Variants in STON2 observed in about 807,000 individuals in gnomAD.
STON2 encodes the protein stonin-2.
A neutral mutation model predicts 65.7 loss-of-function variants in STON2; 29 were observed. The ratio of observed to expected loss-of-function variants is 0.44; its 90% CI spans 0.33 to 0.60. The LOEUF (loss-of-function observed/expected upper bound fraction) is 0.60, where lower values mean the gene tolerates loss of function less well. Among genes scored for constraint, STON2 ranks in the 20% least tolerant of loss-of-function variants. The pLI, the probability that STON2 is intolerant of heterozygous loss-of-function variation, is 0.03. For synonymous variants in STON2, 404 were observed against 414.2 expected, an observed-to-expected ratio of 0.98 and a Z score of 0.30; for missense variants, 1,054 against 1,118.1, an observed-to-expected ratio of 0.94 and a Z score of 0.82.
chr14:81,290,347 G>T (rs1485456702), intron 5 of STON2, among the ~76,000 whole-genome samples: 1 of 152,166 alleles, frequency 6.6e-6, no homozygotes, highest in Non-Finnish European at 1.5e-5. Context: ...GAGAATTTCT[G>T]CTTCAATCAA....
chr14:81,347,330 T>C (rs1245411872), intron 4 of STON2, among the ~76,000 whole-genome samples: 1 of 151,876 alleles, frequency 6.6e-6, no homozygotes, highest in Non-Finnish European at 1.5e-5. Flanking sequence ...CTAGAGGAAA[T>C]ACATAAATTC....
In STON2 at chr14:81,339,127, A is replaced by G. The variant is rs141495581; in HGVS notation, c.572-14940T>C. Reference sequence around the variant, plus strand: ...GGCAGGAGGAAAGAAAGGGCAGGAGAAAAGAAAGGGCAGAAGGAAAGGAAA... The same window carrying G: ...GGCAGGAGGAAAGAAAGGGCAGGAGGAAAGAAAGGGCAGAAGGAAAGGAAA... On this transcript the variant is annotated intron_variant, in intron 4 of 7. Coordinates refer to ENST00000614646, the MANE Select transcript of STON2 (RefSeq NM_001394390.1). Among the ~76,000 whole-genome samples the G allele has an allele frequency of 3.2e-4, 49 of 152,198 alleles. No homozygotes were observed. The East Asian group carries it at 4.2e-3, about 13-fold the overall frequency.
intron 2 of STON2, among the ~76,000 whole-genome samples, chr14:81,409,790 T>G (rs1185584988): frequency 6.6e-6 from 1 of 152,226 alleles, no homozygotes; most frequent in Non-Finnish European, 1.5e-5. Context: ...CTGACAGTGT[T>G]CACTGCATCA....
rs111440272 is a variant in STON2, at chr14:81,330,446, T to C, written c.572-6259A>G. 3.9e-3 allele frequency among the ~76,000 whole-genome samples: 597 copies of C among 151,716 alleles called. 4 individuals carry two copies. The highest frequency in any genetic ancestry group is 0.012 in the African/African-American group (515 of 41,318). On this transcript the variant is annotated intron_variant, in intron 4 of 7. Coordinates refer to ENST00000614646, the MANE Select transcript of STON2 (RefSeq NM_001394390.1). Reference sequence around the variant, plus strand: ...TTTAGAGATGGTGTCTTTTTTTTTTTCTTAAAATGTTATTTATGTTATAGT... The same window carrying C: ...TTTAGAGATGGTGTCTTTTTTTTTTCCTTAAAATGTTATTTATGTTATAGT...
At position 81,371,204 on chromosome 14, in the gene STON2, CCAAAAGCA is replaced by C; in HGVS notation, c.374-27_374-20del. ...GGTAGGGCTGGGGAGAGACCAAAAACCAAAAGCATACAATATAAATAGTTGTACTTTGT... is the reference window on the plus strand; with the variant it reads ...GGTAGGGCTGGGGAGAGACCAAAAACTACAATATAAATAGTTGTACTTTGT... On this transcript the variant is annotated intron_variant, in intron 3 of 7. Coordinates refer to ENST00000614646, the MANE Select transcript of STON2 (RefSeq NM_001394390.1). 6.2e-7 allele frequency: 1 copy of C among 1,609,052 alleles called. No homozygotes were observed. Among genetic ancestry groups the C allele is most frequent in the East Asian group, 2.2e-5 (1 of 44,852 alleles).
intron 3 of STON2, among the ~76,000 whole-genome samples, chr14:81,391,184 G>C (rs1220456376): frequency 6.6e-6 from 1 of 152,162 alleles, no homozygotes; most frequent in African/African-American, 2.4e-5. Flanking sequence ...ATGTCTTTGG[G>C]AGCCATTACT....
In STON2 at chr14:81,270,689, G is replaced by C; in HGVS notation, c.2765C>G (p.Ser922Cys). The change falls in exon 7 of 8, where the codon TCT (serine) becomes TGT (cysteine). Residue 922 changes from serine to cysteine, a missense_variant. Ser to Cys is a moderately radical substitution (Grantham distance 112, BLOSUM62 -1). Coordinates refer to ENST00000614646, the MANE Select transcript of STON2 (RefSeq NM_001394390.1). Reference protein sequence around the residue: ...KTDVRKWVNYSAHYSYQVEIE... With the variant: ...KTDVRKWVNYCAHYSYQVEIE... Reference sequence around the variant, plus strand: ...GGCTACCTGGTAGCTGTAGTGTGCAGAATAATTGACCCACTTCCTGACGTC... The same window carrying C: ...GGCTACCTGGTAGCTGTAGTGTGCACAATAATTGACCCACTTCCTGACGTC... 1.2e-6 allele frequency: 2 copies of C among 1,614,178 alleles called. No homozygotes were observed. Among genetic ancestry groups the C allele is most frequent in the African/African-American group, 1.3e-5 (1 of 75,044 alleles).
intron 5 of STON2, among the ~76,000 whole-genome samples, chr14:81,303,033 T>C (rs1896027094): frequency 6.7e-6 from 1 of 150,234 alleles, no homozygotes; most frequent in African/African-American, 2.5e-5. Context: ...TGGAATGGAG[T>C]TCAGTGAGGG....
rs748642462 is a variant in STON2, at chr14:81,341,446, G to GTTTT, written c.572-17263_572-17260dup. Among the ~76,000 whole-genome samples the GTTTT allele has an allele frequency of 3.1e-3, 356 of 115,634 alleles. 9 individuals are homozygous for GTTTT. The highest frequency in any genetic ancestry group is 0.013 in the African/African-American group (316 of 24,898). 75.9% of individuals were successfully genotyped at this position (115,634 alleles called of 152,430 possible). A position where few individuals can be genotyped will look rare whatever the true frequency, so the allele number is the denominator to read the frequency against. Reference sequence around the variant, plus strand: ...CTTTATATTTCCTCATTTTATAAGTGTTTTTTTTTTGTTTTTTTTTTTTCC... The same window carrying GTTTT: ...CTTTATATTTCCTCATTTTATAAGTGTTTTTTTTTTTTTTGTTTTTTTTTTTTCC... On this transcript the variant is annotated intron_variant, in intron 4 of 7. Transcript: ENST00000614646.
At chr14:81,276,712 A>G (rs1406482446) in intron 6 of STON2, among the ~76,000 whole-genome samples, 189 bp downstream of exon 6, 2 of 152,252 alleles carry the variant, frequency 1.3e-5, no homozygotes, top group Non-Finnish European at 2.9e-5. Flanking sequence ...GTGAAAAGAC[A>G]GAGTGAACTG....
chr14:81,350,536 C>T (rs1897985104), intron 4 of STON2, among the ~76,000 whole-genome samples: 1 of 151,788 alleles, frequency 6.6e-6, no homozygotes, highest in South Asian at 2.1e-4. Context: ...CAGTTGTGCC[C>T]AGCCAATCTC....
At chr14:81,375,699 A>G (rs377196222) in intron 3 of STON2, among the ~76,000 whole-genome samples, 1 of 152,028 alleles carries the variant, frequency 6.6e-6, no homozygotes, top group Non-Finnish European at 1.5e-5. Flanking sequence ...TCTAATGATC[A>G]TAGAACATTA....
At chr14:81,384,784 A>T (rs1174819231) in intron 3 of STON2, among the ~76,000 whole-genome samples, 1 of 152,196 alleles carries the variant, frequency 6.6e-6, no homozygotes. Context: ...GGTAGATTAA[A>T]ATTTTAAATA....
At position 81,424,443 on chromosome 14, in the gene STON2, C is replaced by A. The variant is rs745811805; in HGVS notation, c.-199+2659G>T. On this transcript the variant is annotated intron_variant, in intron 2 of 8. Transcript: ENST00000553821. ...TGGATGACAAAGCAAGACACCATAT[C>A]AAAAAAAAATATTTTTCTGATTTCT... Among the ~76,000 whole-genome samples, 8 of 146,644 alleles carry A rather than the reference C, an allele frequency of 5.5e-5. No homozygotes were observed. In the East Asian group the frequency reaches 1.4e-3, roughly 25 times the overall value.
intron 5 of STON2, among the ~76,000 whole-genome samples, chr14:81,305,324 C>G (rs1168923364): frequency 7.2e-5 from 11 of 152,186 alleles, no homozygotes; most frequent in Admixed American, 6.6e-4. Flanking sequence ...ACACTCCCAC[C>G]CACTGTGTAT....
At chr14:81,336,536 C>T (rs915760658) in intron 4 of STON2, among the ~76,000 whole-genome samples, 2 of 151,946 alleles carry the variant, frequency 1.3e-5, no homozygotes, top group African/African-American at 4.8e-5. Context: ...ATGTAAAGTA[C>T]ATGACCTGCA....
chr14:81,419,139 T>C (rs1480952383), intron 2 of STON2, among the ~76,000 whole-genome samples: 1 of 152,242 alleles, frequency 6.6e-6, no homozygotes, highest in Non-Finnish European at 1.5e-5. Flanking sequence ...AGAGGGAATA[T>C]TAATAACTAT....
intron 5 of STON2, among the ~76,000 whole-genome samples, chr14:81,281,010 C>CAAAAA (rs796161809): frequency 4.1e-4 from 26 of 62,804 alleles, no homozygotes; most frequent in Non-Finnish European, 5.8e-4. Context: ...AACTCCGTCT[C>CAAAAA]AAAAAAAAAA....
At chr14:81,400,182 C>T (rs1204509942) in intron 1 of STON2, among the ~76,000 whole-genome samples, 97 bp downstream of exon 1, 1 of 152,154 alleles carries the variant, frequency 6.6e-6, no homozygotes, top group Non-Finnish European at 1.5e-5. Flanking sequence ...GCCCAGAAGC[C>T]TCTTCTCCAA....
Sources: allele counts gnomAD v4.1 joint callset (sites outside exome capture counted in the v4.1 genomes callset), GRCh38; gene constraint gnomAD v4.1.1; transcripts MANE v1.5; gene names NCBI Gene and HGNC (gene_info 2026-07-23, HGNC 2026-07-21).